Variants in NELL1 observed in about 807,000 individuals in gnomAD.
The protein encoded by NELL1 is protein kinase C-binding protein NELL1.
A neutral mutation model predicts 107.4 loss-of-function variants in NELL1; 76 were observed. That is an observed-to-expected ratio of 0.71 (90% CI 0.59 to 0.86). The LOEUF (loss-of-function observed/expected upper bound fraction) is 0.86. NELL1 is among the 40% of genes least tolerant of loss of function. The probability of loss-of-function intolerance (pLI) is 0.00; values close to 1 mark genes in which losing one functional copy is unlikely to be tolerated. For missense variants in NELL1, 1,024 were observed against 1,005.5 expected, an observed-to-expected ratio of 1.02 and a Z score of -0.25; for synonymous variants, 353 against 341.2, an observed-to-expected ratio of 1.03 and a Z score of -0.38.
chr11:21,270,825 T>C (rs181443179), intron 14 of NELL1, among the ~76,000 whole-genome samples: 15 of 152,260 alleles, frequency 9.9e-5, no homozygotes, highest in African/African-American at 3.4e-4. Flanking sequence ...TATCATACAA[T>C]ATCTGCATTC....
At chr11:21,198,076 G>A (rs1283106748) in intron 13 of NELL1, among the ~76,000 whole-genome samples, 2 of 152,160 alleles carry the variant, frequency 1.3e-5, no homozygotes, top group South Asian at 2.1e-4. Context: ...TTTAAAGCTG[G>A]GAAATGGAAT....
intron 3 of NELL1, among the ~76,000 whole-genome samples, chr11:20,827,494 G>A (rs1857909052): frequency 6.6e-6 from 1 of 151,264 alleles, no homozygotes; most frequent in African/African-American, 2.4e-5. Context: ...TCTTCTTCTA[G>A]TGGAAAGTTA....
intron 12 of NELL1, among the ~76,000 whole-genome samples, chr11:21,032,171 G>T (rs1242944712): frequency 6.6e-6 from 1 of 151,662 alleles, no homozygotes; most frequent in Non-Finnish European, 1.5e-5. Context: ...ATTAATCTAG[G>T]TCAGGCATTG....
rs575980405 is a variant in NELL1, at chr11:21,560,649, T to C, written c.1980+267T>C. ...AGGGTAGAAAAGCCAATGATAGTCC[T>C]CCCACTGAAAGCCTACAGTGCTTTT... is the stretch of plus-strand genomic sequence containing the variant. On this transcript the variant is annotated intron_variant, in intron 17 of 19. Coordinates refer to ENST00000357134, the MANE Select transcript of NELL1 (RefSeq NM_006157.5). Among the ~76,000 whole-genome samples the C allele has an allele frequency of 1.6e-4, 24 of 152,154 alleles. No individual in the cohort carries two copies. In the South Asian group the frequency reaches 4.6e-3, roughly 29 times the overall value.
At chr11:21,240,424 G>C (rs1858322418) in intron 14 of NELL1, among the ~76,000 whole-genome samples, 1 of 151,974 alleles carries the variant, frequency 6.6e-6, no homozygotes, top group Non-Finnish European at 1.5e-5. Context: ...AGTTCTAAGA[G>C]AAGGAAGAGT....
At chr11:20,946,247 C>T (rs1023911398) in intron 10 of NELL1, among the ~76,000 whole-genome samples, 5 of 152,140 alleles carry the variant, frequency 3.3e-5, no homozygotes, top group Non-Finnish European at 7.4e-5. Flanking sequence ...TATTCTTCCA[C>T]CTGTGTTGGG....
At chr11:21,489,400 A>C (rs1034783204) in intron 15 of NELL1, among the ~76,000 whole-genome samples, 1 of 145,664 alleles carries the variant, frequency 6.9e-6, no homozygotes, top group East Asian at 2.0e-4. Context: ...AAAAAAAAAA[A>C]AAAAAAAACA....
intron 12 of NELL1, among the ~76,000 whole-genome samples, chr11:21,064,037 A>G (rs1853808691): frequency 6.6e-6 from 1 of 152,094 alleles, no homozygotes. Context: ...CCTTGCAGCA[A>G]TCATGGAGAA....
intron 13 of NELL1, among the ~76,000 whole-genome samples, chr11:21,136,410 C>T (rs898092837): frequency 6.6e-6 from 1 of 152,170 alleles, no homozygotes; most frequent in Non-Finnish European, 1.5e-5. Context: ...AAAGCTTATT[C>T]AACTATAGCA....
chr11:21,202,620 A>G (rs1282038037), intron 13 of NELL1, among the ~76,000 whole-genome samples: 1 of 151,350 alleles, frequency 6.6e-6, no homozygotes, highest in Non-Finnish European at 1.5e-5. Context: ...CCTGTCTCTA[A>G]CTCCTTCAGT....
intron 13 of NELL1, chr11:21,170,094 A>G: frequency 2.2e-6 from 2 of 914,796 alleles, no homozygotes; most frequent in Non-Finnish European, 3.5e-6. Flanking sequence ...TTTGAACAAA[A>G]GGATGTGGAG....
At chr11:20,847,860 A>T (rs896398550) in intron 4 of NELL1, 107 bp downstream of exon 4, 3 of 1,198,926 alleles carry the variant, frequency 2.5e-6, no homozygotes, top group African/African-American at 3.1e-5. Context: ...ACAAACACCA[A>T]GGGACCCTAA....
intron 12 of NELL1, among the ~76,000 whole-genome samples, chr11:21,036,340 A>T (rs865796129): frequency 1.3e-5 from 2 of 152,192 alleles, no homozygotes; most frequent in South Asian, 4.1e-4. Flanking sequence ...TGCTACTCCT[A>T]TCAAACTACC....
intron 5 of NELL1, among the ~76,000 whole-genome samples, chr11:20,889,142 G>A (rs1181451307): frequency 6.6e-6 from 1 of 152,042 alleles, no homozygotes; most frequent in Non-Finnish European, 1.5e-5. Context: ...GGCCACATCA[G>A]CAACCTATTA....
intron 3 of NELL1, among the ~76,000 whole-genome samples, chr11:20,839,938 C>A (rs531341118): frequency 6.6e-6 from 1 of 152,256 alleles, no homozygotes; most frequent in Non-Finnish European, 1.5e-5. Flanking sequence ...GTGAAAGAAC[C>A]ACCAACGGGG....
chr11:20,733,246 C>T, intron 2 of NELL1, among the ~76,000 whole-genome samples: 1 of 152,166 alleles, frequency 6.6e-6, no homozygotes, highest in Non-Finnish European at 1.5e-5. Flanking sequence ...ACTGTATCTT[C>T]TAACATTCAG....
chr11:21,162,787 T>A (rs1206948792), intron 13 of NELL1, among the ~76,000 whole-genome samples: 2 of 152,200 alleles, frequency 1.3e-5, no homozygotes, highest in African/African-American at 4.8e-5. Context: ...TTGCATACTA[T>A]GGACAACAAT....
At chr11:21,368,681 G>T (rs954071314) in intron 14 of NELL1, among the ~76,000 whole-genome samples, 1 of 151,956 alleles carries the variant, frequency 6.6e-6, no homozygotes. Context: ...TAAATGAAAA[G>T]GTATGTCTTA....
At chr11:21,005,622 G>A (rs1169225814) in intron 12 of NELL1, among the ~76,000 whole-genome samples, 1 of 152,114 alleles carries the variant, frequency 6.6e-6, no homozygotes, top group Non-Finnish European at 1.5e-5. Flanking sequence ...ATGAGCATTG[G>A]CATTAACAAC....
Sources: allele counts gnomAD v4.1 joint callset (sites outside exome capture counted in the v4.1 genomes callset), GRCh38; gene constraint gnomAD v4.1.1; transcripts MANE v1.5; gene names NCBI Gene and HGNC (gene_info 2026-07-23, HGNC 2026-07-21).